The following ATP2C1 variants were observed in gnomAD, a reference collection of about 807,000 sequenced individuals.
ATP2C1 encodes ATPase secretory pathway Ca2+ transporting 1, also known as calcium-transporting ATPase type 2C member 1.
A neutral mutation model predicts 120.5 loss-of-function variants in ATP2C1; 31 were observed. The observed-to-expected ratio is 0.26, with a 90% CI of 0.19 to 0.35. The LOEUF (loss-of-function observed/expected upper bound fraction) is 0.35, where lower values mean the gene tolerates loss of function less well. Among genes scored for constraint, ATP2C1 ranks in the 10% least tolerant of loss-of-function variants. The pLI is 1.00. For synonymous variants in ATP2C1, 351 were observed against 358.7 expected (o/e 0.98, Z 0.24); for missense variants, 731 against 1,107.5 (o/e 0.66, Z 4.83).
downstream of ATP2C1, among the ~76,000 whole-genome samples, chr3:131,007,851 G>T (rs577838630): frequency 6.6e-5 from 10 of 152,238 alleles, no homozygotes; most frequent in African/African-American, 2.4e-4. Flanking sequence ...TTACAAATAG[G>T]TGACTGTAGA....
chr3:130,947,667 T>A (rs1257849803), intron 8 of ATP2C1, among the ~76,000 whole-genome samples: 1 of 152,214 alleles, frequency 6.6e-6, no homozygotes, highest in African/African-American at 2.4e-5. Flanking sequence ...TTTAATCCAT[T>A]TACACTTACA....
chr3:130,943,878 T>C (rs2060027138), intron 8 of ATP2C1, among the ~76,000 whole-genome samples: 1 of 152,232 alleles, frequency 6.6e-6, no homozygotes, highest in Non-Finnish European at 1.5e-5. Flanking sequence ...AGTCAGTTTC[T>C]CTTCTGGACA....
intron 2 of ATP2C1, among the ~76,000 whole-genome samples, chr3:130,902,041 G>A (rs1379535957): frequency 6.6e-6 from 1 of 151,980 alleles, no homozygotes; most frequent in African/African-American, 2.4e-5. Context: ...TGTCAATGGT[G>A]CCAAGATTGA....
At chr3:130,918,467 C>T (rs1050521921) in intron 2 of ATP2C1, 2 of 825,930 alleles carry the variant, frequency 2.4e-6, no homozygotes, top group Non-Finnish European at 4.3e-6. Context: ...CTCTGTATTT[C>T]TGAGCAAATT....
At chr3:130,924,186 T>C (rs1040666299) in intron 2 of ATP2C1, among the ~76,000 whole-genome samples, 1 of 151,936 alleles carries the variant, frequency 6.6e-6, no homozygotes, top group Non-Finnish European at 1.5e-5. Context: ...ATAGGCCCTG[T>C]GAGATATATG....
At chr3:130,954,488 C>T (rs1003536695) in intron 9 of ATP2C1, among the ~76,000 whole-genome samples, 1 of 152,014 alleles carries the variant, frequency 6.6e-6, no homozygotes, top group Non-Finnish European at 1.5e-5. Flanking sequence ...ATTGAGTCTG[C>T]TATACGTTTT....
At chr3:130,979,505 A>G in intron 19 of ATP2C1, 86 bp downstream of exon 19, 1 of 1,341,642 alleles carries the variant, frequency 7.5e-7, no homozygotes, top group East Asian at 2.4e-5. Flanking sequence ...AGTTATGAAT[A>G]TGTTTATGTA....
At chr3:131,005,455 G>T (rs1577063310), downstream of ATP2C1, among the ~76,000 whole-genome samples, 2 of 152,126 alleles carry the variant, frequency 1.3e-5, no homozygotes, top group East Asian at 3.9e-4. Context: ...GACATGACTG[G>T]ACAGGAGAAA....
intron 2 of ATP2C1, among the ~76,000 whole-genome samples, chr3:130,928,656 C>T (rs1485485872): frequency 6.6e-6 from 1 of 152,202 alleles, no homozygotes; most frequent in East Asian, 1.9e-4. Flanking sequence ...GTCATTTGAG[C>T]TCTTACTAGT....
intron 2 of ATP2C1, among the ~76,000 whole-genome samples, chr3:130,895,865 A>G (rs560024371): frequency 1.3e-5 from 2 of 152,292 alleles, no homozygotes; most frequent in South Asian, 2.1e-4. Context: ...TATATTGACA[A>G]ATTTTACTCT....
intron 27 of ATP2C1, among the ~76,000 whole-genome samples, chr3:131,000,743 C>G (rs1272352335): frequency 6.6e-6 from 1 of 151,978 alleles, no homozygotes; most frequent in Non-Finnish European, 1.5e-5. Flanking sequence ...ATCTTTTTTT[C>G]TTTTCTTATT....
At chr3:130,943,306 C>A (rs1449418254) in intron 8 of ATP2C1, among the ~76,000 whole-genome samples, 1 of 152,160 alleles carries the variant, frequency 6.6e-6, no homozygotes, top group African/African-American at 2.4e-5. Flanking sequence ...GTCTCCATCT[C>A]CTGGGTTCAA....
intron 2 of ATP2C1, among the ~76,000 whole-genome samples, chr3:130,911,798 A>G (rs1334696608): frequency 1.4e-4 from 20 of 148,000 alleles, no homozygotes; most frequent in Non-Finnish European, 2.7e-4. Context: ...CGCCAAGTCA[A>G]TCCTAAGCCA....
rs146268606 is a variant in ATP2C1 at position 130,918,664 on chromosome 3, T to C, written c.7-11752T>C. 1,053 of 546,262 alleles carry C rather than the reference T, an allele frequency of 1.9e-3. 5 individuals are homozygous for C. Among genetic ancestry groups the C allele is most frequent in the African/African-American group, 0.016 (848 of 52,746 alleles). 33.8% of individuals were successfully genotyped at this position (546,262 alleles called of 1,614,324 possible). On this transcript the variant is annotated intron_variant, in intron 2 of 27. Coordinates refer to ENST00000510168, the MANE Select transcript of ATP2C1 (RefSeq NM_001378687.1). ...TAATCATGAATTGCCACTGTCTTGCTATCTAAATTATTCCTGCAAATCATG... is the reference window on the plus strand; with the variant it reads ...TAATCATGAATTGCCACTGTCTTGCCATCTAAATTATTCCTGCAAATCATG...
At chr3:130,957,133 C>A (rs1323114674) in intron 11 of ATP2C1, among the ~76,000 whole-genome samples, 1 of 152,066 alleles carries the variant, frequency 6.6e-6, no homozygotes, top group African/African-American at 2.4e-5. Flanking sequence ...TGCAAAAATT[C>A]AAAAAATTGC....
At chr3:130,958,288 T>C (rs538538289) in intron 11 of ATP2C1, among the ~76,000 whole-genome samples, 4 of 152,148 alleles carry the variant, frequency 2.6e-5, no homozygotes, top group Admixed American at 2.0e-4. Context: ...ATGGTCTCTG[T>C]TGGAAATACT....
chr3:130,934,426 G>A (rs992285744), intron 4 of ATP2C1, among the ~76,000 whole-genome samples, 196 bp from the exon 5 acceptor site: 1 of 151,752 alleles, frequency 6.6e-6, no homozygotes, highest in Admixed American at 6.6e-5. Context: ...TTCTGAAAAG[G>A]AACTGTTAAA....
At chr3:130,981,346 A>G (rs2061755697) in intron 20 of ATP2C1, among the ~76,000 whole-genome samples, 1 of 152,176 alleles carries the variant, frequency 6.6e-6, no homozygotes, top group Non-Finnish European at 1.5e-5. Context: ...AATGCATTTG[A>G]CATTTATCTA....
intron 12 of ATP2C1, among the ~76,000 whole-genome samples, chr3:130,960,395 T>A (rs2060767232): frequency 6.6e-6 from 1 of 152,180 alleles, no homozygotes; most frequent in African/African-American, 2.4e-5. Context: ...ATATCTCGTG[T>A]TCTATGAGAG....
Sources: allele counts gnomAD v4.1 joint callset (sites outside exome capture counted in the v4.1 genomes callset), GRCh38; gene constraint gnomAD v4.1.1; transcripts MANE v1.5; gene names NCBI Gene and HGNC (gene_info 2026-07-23, HGNC 2026-07-21).